The following SEC63 variants were observed in gnomAD, a reference collection of about 807,000 sequenced individuals.
The protein encoded by SEC63 is translocation protein SEC63 homolog.
SEC63 carries 56 observed loss-of-function variants against 116.2 expected under a neutral mutation model. The ratio of observed to expected loss-of-function variants is 0.48; its 90% confidence interval spans 0.39 to 0.60. The LOEUF (loss-of-function observed/expected upper bound fraction) is 0.60. Among genes scored for constraint, SEC63 ranks in the 20% least tolerant of loss-of-function variants. The pLI, the probability that SEC63 is intolerant of heterozygous loss-of-function variation, is 0.00. For synonymous variants in SEC63, 273 were observed against 294.6 expected, an observed-to-expected ratio of 0.93 and a Z score of 0.75; for missense variants, 668 against 900.0, an observed-to-expected ratio of 0.74 and a Z score of 3.30.
At chr6:107,944,714 A>AAAAATG (rs1286820517) in intron 1 of SEC63, among the ~76,000 whole-genome samples, 1 of 151,594 alleles carries the variant, frequency 6.6e-6, no homozygotes, top group Non-Finnish European at 1.5e-5. Context: ...AAATAAAAAT[A>AAAAATG]AAAATAAAGA....
Position 107,906,431 on chromosome 6 carries a change from A to C in SEC63, c.961+17T>G. 1 of 1,613,704 alleles carries C rather than the reference A, an allele frequency of 6.2e-7. No homozygotes were observed. Among genetic ancestry groups the C allele is most frequent in the Non-Finnish European group, 8.5e-7 (1 of 1,179,626 alleles). ...TTCATCCCACTAAACCTCTGTAGAT[A>C]CCGGAATCACAAATACCTTCTTCAA... On this transcript the variant is annotated intron_variant, in intron 10 of 20. Coordinates refer to ENST00000369002, the MANE Select transcript of SEC63 (RefSeq NM_007214.5).
chr6:107,946,392 C>G (rs1034116828), intron 1 of SEC63, among the ~76,000 whole-genome samples: 1 of 151,818 alleles, frequency 6.6e-6, no homozygotes, highest in Non-Finnish European at 1.5e-5. Flanking sequence ...TTAGTAGAGA[C>G]GGAGTTTCAC....
chr6:107,906,872 T>A (rs1787160199), intron 8 of SEC63, 95 bp from the exon 9 acceptor site: 2 of 913,690 alleles, frequency 2.2e-6, no homozygotes, highest in Non-Finnish European at 1.8e-6. Flanking sequence ...TGAAGCACTT[T>A]TCTAAACATG....
At chr6:107,895,564 A>G (rs558966947) in intron 14 of SEC63, among the ~76,000 whole-genome samples, 8 of 152,092 alleles carry the variant, frequency 5.3e-5, no homozygotes, top group Non-Finnish European at 1.0e-4. Context: ...AAATATATAT[A>G]TGTTTTTCCT....
rs1787152011 is a variant in SEC63 at position 107,906,528 on chromosome 6, G to C, written c.881C>G (p.Thr294Ser). The C allele has an allele frequency of 1.2e-6, 2 of 1,613,274 alleles. No homozygotes were observed. Among genetic ancestry groups the C allele is most frequent in the South Asian group, 1.1e-5 (1 of 91,076 alleles). ...TCTGGCCTTCAGGCTATATGGGCAG[G>C]TAAGTGGAGGCTCATTCTTCTTTAA... ...INLKKNEPPL[T>S]CPYSLKARVL... The change falls in exon 10 of 21, where the codon ACC becomes AGC. Residue 294 changes from threonine to serine, a missense_variant. By Grantham distance (58) the Thr-to-Ser change is moderately conservative. Transcript: ENST00000369002.
intron 16 of SEC63, among the ~76,000 whole-genome samples, chr6:107,887,506 C>T (rs1392757694): frequency 6.8e-6 from 1 of 147,802 alleles, no homozygotes; most frequent in African/African-American, 2.5e-5. Context: ...GAACAAAAAA[C>T]CAAACACCGC....
chr6:107,935,012 C>T (rs541601496), intron 1 of SEC63, among the ~76,000 whole-genome samples: 5 of 134,402 alleles, frequency 3.7e-5, no homozygotes, highest in South Asian at 2.5e-4. Flanking sequence ...GCCCCCCGCC[C>T]GGCCAGCCAC....
intron 1 of SEC63, among the ~76,000 whole-genome samples, chr6:107,938,048 C>A (rs938173469): frequency 3.3e-5 from 5 of 152,048 alleles, no homozygotes; most frequent in Non-Finnish European, 7.4e-5. Flanking sequence ...ATCCATTTGT[C>A]AATTCTTGCT....
At position 107,888,059 on chromosome 6, in the gene SEC63, T is replaced by A. The variant is rs539723435; in HGVS notation, c.1675-4913A>T. On this transcript the variant is annotated intron_variant, in intron 16 of 20. Coordinates refer to ENST00000369002, the MANE Select transcript of SEC63 (RefSeq NM_007214.5). ...CCAGCTTTGTTCTTTTTGCTTAAGA[T>A]TGTCTTGGCTATGCGGGCTCTTTTT... Among the ~76,000 whole-genome samples the A allele has an allele frequency of 6.6e-5, 10 of 152,324 alleles. No individual in the cohort carries two copies. The South Asian group carries it at 2.1e-3, about 32-fold the overall frequency.
chr6:107,943,197 T>A (rs1272476853), intron 1 of SEC63, among the ~76,000 whole-genome samples: 1 of 152,380 alleles, frequency 6.6e-6, no homozygotes, highest in Non-Finnish European at 1.5e-5. Context: ...AGAAGATGGC[T>A]ATAAAATTAT....
chr6:107,951,123 A>G (rs937306010), intron 1 of SEC63, among the ~76,000 whole-genome samples: 2 of 152,234 alleles, frequency 1.3e-5, no homozygotes, highest in Non-Finnish European at 2.9e-5. Flanking sequence ...AAAGACAAAC[A>G]TTAACAATTA....
intron 1 of SEC63, among the ~76,000 whole-genome samples, chr6:107,933,720 G>T (rs1481507247): frequency 9.6e-6 from 1 of 104,020 alleles, no homozygotes; most frequent in Non-Finnish European, 1.9e-5. Context: ...CTCTCCCCAC[G>T]GCCCACGGTC....
intron 1 of SEC63, among the ~76,000 whole-genome samples, chr6:107,931,179 C>A (rs543879310): frequency 6.6e-6 from 1 of 151,806 alleles, no homozygotes; most frequent in African/African-American, 2.4e-5. Context: ...TCCATCTCTA[C>A]TAAAAATACA....
intron 16 of SEC63, among the ~76,000 whole-genome samples, chr6:107,886,124 C>A (rs1786522874): frequency 6.6e-6 from 1 of 152,096 alleles, no homozygotes; most frequent in Admixed American, 6.6e-5. Flanking sequence ...GATTTCTGTT[C>A]TTGTGTTAGT....
intron 8 of SEC63, among the ~76,000 whole-genome samples, chr6:107,908,349 A>C (rs1427443095): frequency 1.3e-5 from 2 of 152,120 alleles, no homozygotes; most frequent in African/African-American, 4.8e-5. Context: ...TTTTTTCTTA[A>C]ATTTTTAAAT....
Position 107,906,719 on chromosome 6 carries a change from G to A in SEC63, c.792C>T (p.Ala264=), listed in dbSNP as rs1296187430. The part of the protein sequence containing the change: ...SEFDPQYNKD[A]TSRPTDNILI... ...GAATATTATCCGTTGGTCTGCTTGT[G>A]GCATCTTTATTATACTGAGGATCAA... Residue 264 remains alanine, a synonymous_variant, in exon 9 of 21, where the codon GCC becomes GCT. Transcript: ENST00000369002. The A allele has an allele frequency of 1.2e-6, 2 of 1,613,776 alleles. No homozygotes were observed. Among genetic ancestry groups the A allele is most frequent in the Non-Finnish European group, 1.7e-6 (2 of 1,179,932 alleles).
At chr6:107,946,669 A>G (rs1770487235) in intron 1 of SEC63, among the ~76,000 whole-genome samples, 1 of 152,204 alleles carries the variant, frequency 6.6e-6, no homozygotes, top group South Asian at 2.1e-4. Flanking sequence ...AGAACAAAGA[A>G]GGAATAACTT....
At chr6:107,886,960 T>C (rs1395635618) in intron 16 of SEC63, among the ~76,000 whole-genome samples, 2 of 151,882 alleles carry the variant, frequency 1.3e-5, no homozygotes, top group Non-Finnish European at 2.9e-5. Context: ...TCTTTGCCCA[T>C]GCCTATGTCC....
At chr6:107,911,532 T>C in intron 6 of SEC63, 136 bp from the exon 7 acceptor site, 1 of 697,472 alleles carries the variant, frequency 1.4e-6, no homozygotes, top group Non-Finnish European at 2.6e-6. Context: ...TAATCCTTAT[T>C]CTCAAACTCC....
Sources: gnomAD v4.1 joint callset for allele counts (sites outside exome capture counted in the v4.1 genomes callset) on GRCh38, gnomAD v4.1.1 for gene constraint, MANE v1.5 for transcripts, NCBI Gene and HGNC (gene_info 2026-07-23, HGNC 2026-07-21) for gene names.